Variants in KLF8 observed in about 807,000 individuals in gnomAD.
KLF8 encodes the protein Krueppel-like factor 8.
In KLF8, 10 loss-of-function variants were observed where a neutral mutation model predicts 18.2. That is an observed-to-expected ratio of 0.55 (90% CI 0.34 to 0.93). The LOEUF is 0.93. Ranked by LOEUF, KLF8 falls within the 40% of genes least tolerant of loss-of-function variation. The probability of loss-of-function intolerance (pLI) is 0.02; values close to 1 mark genes in which losing one functional copy is unlikely to be tolerated. For missense variants in KLF8, 264 were observed against 277.9 expected, an observed-to-expected ratio of 0.95 and a Z score of 0.36; for synonymous variants, 109 against 97.3, an observed-to-expected ratio of 1.12 and a Z score of -0.71.
the KLF8 span, among the ~76,000 whole-genome samples, chrX:56,186,751 C>T: frequency 7.1e-5 from 8 of 112,074 alleles, no homozygotes; most frequent in African/African-American, 2.6e-4. Context: ...TACATGGAAA[C>T]TGAACAACCT....
the KLF8 span, among the ~76,000 whole-genome samples, chrX:55,986,397 T>C: frequency 4.4e-5 from 5 of 112,475 alleles, no homozygotes; most frequent in South Asian, 7.3e-4. Flanking sequence ...TCATATGGTT[T>C]TTCTATTTAG....
At chrX:56,082,334 G>C in the KLF8 span, among the ~76,000 whole-genome samples, 3 of 110,577 alleles carry the variant, frequency 2.7e-5, no homozygotes, top group Non-Finnish European at 5.7e-5. Flanking sequence ...TCAGTTACTT[G>C]TGTCTTCTCT....
chrX:56,230,062 T>C (rs2066389938), upstream of KLF8, among the ~76,000 whole-genome samples: 2 of 112,397 alleles, frequency 1.8e-5, no homozygotes, highest in Admixed American at 9.4e-5. Flanking sequence ...ATAAAGACTT[T>C]TAATAAAATA....
At chrX:56,028,303 C>T in the KLF8 span, among the ~76,000 whole-genome samples, 1 of 80,716 alleles carries the variant, frequency 1.2e-5, no homozygotes, top group East Asian at 2.8e-4. Context: ...TTGGCTAGCA[C>T]GCAAAGTTTG....
At chrX:55,956,645 T>C in the KLF8 span, among the ~76,000 whole-genome samples, 1 of 111,925 alleles carries the variant, frequency 8.9e-6, no homozygotes, top group Non-Finnish European at 1.9e-5. Flanking sequence ...AATTTGAATC[T>C]CTCTGATGAT....
At chrX:55,943,330 G>A in the KLF8 span, among the ~76,000 whole-genome samples, 8 of 110,297 alleles carry the variant, frequency 7.3e-5, no homozygotes, top group South Asian at 3.9e-4. Context: ...TTAACAACAC[G>A]GTACTAGATT....
the KLF8 span, among the ~76,000 whole-genome samples, chrX:56,139,079 G>T: frequency 9.0e-6 from 1 of 111,007 alleles, no homozygotes; most frequent in East Asian, 2.8e-4. Context: ...AGAAACCTGG[G>T]AAAACAGCTA....
chrX:55,926,768 A>T, the KLF8 span, among the ~76,000 whole-genome samples: 1 of 110,842 alleles, frequency 9.0e-6, no homozygotes, highest in African/African-American at 3.3e-5. Context: ...CTTTATAATT[A>T]AGCAGCCCAA....
the KLF8 span, among the ~76,000 whole-genome samples, chrX:56,142,834 T>G: frequency 1.8e-5 from 2 of 112,119 alleles, no homozygotes; most frequent in Non-Finnish European, 3.8e-5. Context: ...AACAGCATAC[T>G]GAGGAAATTC....
At chrX:55,936,488 G>A in the KLF8 span, among the ~76,000 whole-genome samples, 3 of 112,820 alleles carry the variant, frequency 2.7e-5, no homozygotes, top group Non-Finnish European at 5.6e-5. Context: ...TTCCAACTGA[G>A]GTACCAGGTT....
the KLF8 span, among the ~76,000 whole-genome samples, chrX:55,986,474 T>C: frequency 8.9e-6 from 1 of 111,853 alleles, no homozygotes; most frequent in South Asian, 3.7e-4. Flanking sequence ...ATCCTGAGGA[T>C]GAAGCCAAAT....
At chrX:56,064,147 G>T in the KLF8 span, among the ~76,000 whole-genome samples, 1 of 101,776 alleles carries the variant, frequency 9.8e-6, no homozygotes, top group Non-Finnish European at 1.9e-5. Flanking sequence ...ACATATATAT[G>T]TGTGTGTGTG....
chrX:56,048,493 C>T, the KLF8 span, among the ~76,000 whole-genome samples: 1 of 111,820 alleles, frequency 8.9e-6, no homozygotes, highest in Non-Finnish European at 1.9e-5. Flanking sequence ...TATGGCTAGC[C>T]AGTTTTCCCA....
chrX:56,078,086 A>G, the KLF8 span, among the ~76,000 whole-genome samples: 189 of 110,564 alleles, frequency 1.7e-3, 1 homozygote, highest in Non-Finnish European at 3.0e-3. Flanking sequence ...GTCATCTGCA[A>G]ACATGGACTG....
the KLF8 span, among the ~76,000 whole-genome samples, chrX:56,140,136 T>A: frequency 2.7e-5 from 3 of 112,336 alleles, no homozygotes; most frequent in Non-Finnish European, 1.9e-5. Context: ...GGTGAAAAGG[T>A]AATGCTTATA....
the KLF8 span, among the ~76,000 whole-genome samples, chrX:56,183,979 G>T: frequency 9.0e-6 from 1 of 111,093 alleles, no homozygotes; most frequent in African/African-American, 3.3e-5. Flanking sequence ...TTCCATCTGA[G>T]GTACCAGGAT....
the KLF8 span, among the ~76,000 whole-genome samples, chrX:56,155,866 G>A: frequency 1.8e-5 from 2 of 111,338 alleles, no homozygotes; most frequent in South Asian, 3.8e-4. Context: ...ATTTCCGTGT[G>A]TGCTCAATAC....
the KLF8 span, among the ~76,000 whole-genome samples, chrX:55,915,180 A>G: frequency 9.0e-6 from 1 of 111,346 alleles, no homozygotes; most frequent in Non-Finnish European, 1.9e-5. Context: ...TAAATGTACC[A>G]AGTACTACTC....
upstream of KLF8, among the ~76,000 whole-genome samples, chrX:56,232,095 C>G (rs1256942816): frequency 9.0e-6 from 1 of 111,712 alleles, no homozygotes; most frequent in Non-Finnish European, 1.9e-5. Flanking sequence ...CAGCCCCCAG[C>G]CCCAATCCCA....
Sources: allele counts gnomAD v4.1 joint callset (sites outside exome capture counted in the v4.1 genomes callset), GRCh38; gene constraint gnomAD v4.1.1; transcripts MANE v1.5; gene names NCBI Gene and HGNC (gene_info 2026-07-23, HGNC 2026-07-21).